The following MSI2 variants were observed in gnomAD, a reference collection of about 807,000 sequenced individuals.
The protein encoded by MSI2 is RNA-binding protein Musashi homolog 2.
Under a neutral mutation model 45.6 loss-of-function variants are expected in MSI2, and 17 were observed. The ratio of observed to expected loss-of-function variants is 0.37; its 90% confidence interval spans 0.26 to 0.56. The LOEUF (loss-of-function observed/expected upper bound fraction) is 0.56. MSI2 is among the 20% of genes least tolerant of loss of function. MSI2 has a pLI of 0.77. For synonymous variants in MSI2, 156 were observed against 158.2 expected (o/e 0.99, Z 0.11); for missense variants, 293 against 444.2 (o/e 0.66, Z 3.06).
intron 5 of MSI2, among the ~76,000 whole-genome samples, chr17:57,361,287 A>G (rs187618272): frequency 1.1e-4 from 17 of 152,304 alleles, no homozygotes; most frequent in Admixed American, 3.3e-4. Context: ...CAATAAAGTA[A>G]GCTAGACAAA....
intron 10 of MSI2, among the ~76,000 whole-genome samples, chr17:57,635,667 C>T (rs1404828096): frequency 6.6e-6 from 1 of 152,074 alleles, no homozygotes; most frequent in African/African-American, 2.4e-5. Context: ...GCTCCCCAGG[C>T]AGGGAGACCC....
chr17:57,437,909 T>C (rs530542602), intron 6 of MSI2, among the ~76,000 whole-genome samples: 14 of 152,284 alleles, frequency 9.2e-5, no homozygotes, highest in African/African-American at 2.6e-4. Context: ...TGGGGCCTAA[T>C]GTGGTGTGAC....
intron 6 of MSI2, among the ~76,000 whole-genome samples, chr17:57,437,469 A>C (rs1024697987): frequency 1.9e-4 from 29 of 152,164 alleles, no homozygotes; most frequent in Non-Finnish European, 8.8e-5. Flanking sequence ...GATGGTTGGC[A>C]ATAGGATGGA....
intron 7 of MSI2, among the ~76,000 whole-genome samples, chr17:57,576,753 T>TA (rs569924345): frequency 0.079 from 10,223 of 128,632 alleles, 486 homozygotes; most frequent in East Asian, 0.21. Flanking sequence ...AATCTGTCTT[T>TA]AAAAAAAAAA....
chr17:57,607,910 C>A (rs996873086), intron 8 of MSI2, among the ~76,000 whole-genome samples: 1 of 152,170 alleles, frequency 6.6e-6, no homozygotes, highest in Non-Finnish European at 1.5e-5. Context: ...AGAGCTCACT[C>A]ATCACCAAGC....
At chr17:57,462,119 C>T (rs2085242379) in intron 6 of MSI2, among the ~76,000 whole-genome samples, 1 of 152,208 alleles carries the variant, frequency 6.6e-6, no homozygotes, top group Non-Finnish European at 1.5e-5. Flanking sequence ...TGCGGGCAGT[C>T]TTTGGCATTA....
chr17:57,652,038 G>A lies in MSI2; in HGVS notation c.728-61G>A. Reference sequence around the variant, plus strand: ...GGGGGTTGTGTGGCCCGTGACCTAGGTCTGTGCCTGGCCCTTTCAAGGATT... The same window carrying A: ...GGGGGTTGTGTGGCCCGTGACCTAGATCTGTGCCTGGCCCTTTCAAGGATT... On this transcript the variant is annotated intron_variant, in intron 10 of 13. Coordinates refer to ENST00000284073, the MANE Select transcript of MSI2 (RefSeq NM_138962.4). This position sits in a 1 kb window ranked among gnomAD's most constrained non-coding sequence, Gnocchi z 4.1. The A allele has an allele frequency of 6.5e-7, 1 of 1,529,530 alleles. No homozygotes were observed. Among genetic ancestry groups the A allele is most frequent in the Non-Finnish European group, 9.1e-7 (1 of 1,103,316 alleles). The allele number at this position is 1,529,530 out of a possible 1,614,324, so 94.7% of individuals were successfully genotyped here.
chr17:57,434,716 G>T (rs1159662276), intron 6 of MSI2, among the ~76,000 whole-genome samples: 1 of 152,074 alleles, frequency 6.6e-6, no homozygotes, highest in African/African-American at 2.4e-5. Flanking sequence ...GTTCATCCAT[G>T]TTGTTTCAAA....
chr17:57,543,076 T>TACTCAATGCTTCCC (rs200148592), intron 7 of MSI2, among the ~76,000 whole-genome samples: 1,691 of 152,288 alleles, frequency 0.011, 23 homozygotes, highest in African/African-American at 0.038. Context: ...GAATGGTTCC[T>TACTCAATGCTTCCC]ACTCAATGCT....
intron 6 of MSI2, among the ~76,000 whole-genome samples, chr17:57,479,278 G>A (rs933815453): frequency 2.0e-5 from 3 of 152,144 alleles, no homozygotes; most frequent in Non-Finnish European, 4.4e-5. Flanking sequence ...TTGAGGGAGA[G>A]GCAGCCCCTT....
intron 5 of MSI2, among the ~76,000 whole-genome samples, chr17:57,359,183 G>A (rs1916651490): frequency 6.6e-6 from 1 of 152,158 alleles, no homozygotes; most frequent in South Asian, 2.1e-4. Context: ...CTTGGGTTTG[G>A]GGAGTGGGGC....
intron 7 of MSI2, among the ~76,000 whole-genome samples, chr17:57,566,339 GA>G (rs1283641069): frequency 6.6e-6 from 1 of 152,114 alleles, no homozygotes; most frequent in Non-Finnish European, 1.5e-5. Flanking sequence ...GAGATATCTT[GA>G]TAATGTACGT....
At chr17:57,379,984 G>A (rs894500916) in intron 5 of MSI2, among the ~76,000 whole-genome samples, 1 of 151,558 alleles carries the variant, frequency 6.6e-6, no homozygotes, top group African/African-American at 2.4e-5. Context: ...GTATGTGCAT[G>A]TTAGATAAAG....
intron 6 of MSI2, among the ~76,000 whole-genome samples, chr17:57,440,144 G>A (rs907965955): frequency 1.3e-5 from 2 of 152,136 alleles, no homozygotes; most frequent in African/African-American, 4.8e-5. Flanking sequence ...GAAAGGGTGG[G>A]GAGGCAGGGC....
At chr17:57,368,036 G>T (rs1294180335) in intron 5 of MSI2, among the ~76,000 whole-genome samples, 1 of 152,198 alleles carries the variant, frequency 6.6e-6, no homozygotes, top group African/African-American at 2.4e-5. Context: ...GAATGAACTA[G>T]AACAGTGGTA....
intron 5 of MSI2, among the ~76,000 whole-genome samples, chr17:57,284,231 T>A (rs1909669332): frequency 6.6e-6 from 1 of 152,166 alleles, no homozygotes; most frequent in Non-Finnish European, 1.5e-5. Flanking sequence ...CCGGTCATGG[T>A]AGTCCTGGTG....
intron 6 of MSI2, among the ~76,000 whole-genome samples, chr17:57,504,862 C>A (rs148574268): frequency 7.0e-6 from 1 of 143,566 alleles, no homozygotes; most frequent in Non-Finnish European, 1.5e-5. Context: ...ATCTGGGAGG[C>A]GGAGGTTGTG....
intron 11 of MSI2, chr17:57,671,706 C>T (rs2144740784): frequency 6.6e-6 from 1 of 152,070 alleles, no homozygotes; most frequent in South Asian, 2.1e-4. Context: ...TGGAGTTACG[C>T]TGAGTTTGCA....
At chr17:57,639,137 G>GC (rs976098331) in intron 10 of MSI2, among the ~76,000 whole-genome samples, 2 of 152,028 alleles carry the variant, frequency 1.3e-5, no homozygotes, top group Non-Finnish European at 2.9e-5. Flanking sequence ...CCTTCCAAAG[G>GC]CCCCACCTCC....
Sources: allele counts gnomAD v4.1 joint callset (sites outside exome capture counted in the v4.1 genomes callset), GRCh38; gene constraint gnomAD v4.1.1; non-coding constraint Gnocchi (gnomAD v3.1); transcripts MANE v1.5; gene names NCBI Gene and HGNC (gene_info 2026-07-23, HGNC 2026-07-21).